NTRK3: variants seen among roughly 807,000 people sequenced by gnomAD.
NTRK3 encodes the protein neurotrophic receptor tyrosine kinase 3.
Under a neutral mutation model 91.7 loss-of-function variants are expected in NTRK3, and 24 were observed. The observed-to-expected ratio is 0.26, with a 90% CI of 0.19 to 0.37. The LOEUF (loss-of-function observed/expected upper bound fraction) is 0.37. Ranked by LOEUF, NTRK3 falls within the 10% of genes least tolerant of loss-of-function variation. NTRK3 has a pLI of 1.00. For synonymous variants in NTRK3, 483 were observed against 404.0 expected (o/e 1.20, Z -2.34); for missense variants, 880 against 1,068.9 (o/e 0.82, Z 2.46).
chr15:88,195,278 T>C (rs1488838851), intron 3 of NTRK3, among the ~76,000 whole-genome samples: 2 of 152,232 alleles, frequency 1.3e-5, no homozygotes, highest in African/African-American at 2.4e-5. Flanking sequence ...ATGTCACCTA[T>C]GTGTTCACTT....
exon 19 of NTRK3, chr15:87,867,185 G>C (rs184411417): frequency 7.6e-5 from 17 of 224,656 alleles, no homozygotes; most frequent in Middle Eastern, 2.7e-3. Context: ...ACTTGGTCCA[G>C]GGGGCTGGAA....
intron 14 of NTRK3, among the ~76,000 whole-genome samples, chr15:87,941,349 A>G (rs2142026575): frequency 1.3e-5 from 2 of 152,312 alleles, no homozygotes; most frequent in Middle Eastern, 3.4e-3. Context: ...TAACAAGAAC[A>G]ACTTCCTTGC....
chr15:87,912,691 C>T (rs976925430), intron 17 of NTRK3, among the ~76,000 whole-genome samples: 2 of 151,810 alleles, frequency 1.3e-5, no homozygotes, highest in African/African-American at 4.8e-5. Flanking sequence ...GAAAGATGAC[C>T]TCCAACTTCA....
intron 3 of NTRK3, among the ~76,000 whole-genome samples, chr15:88,198,286 C>A (rs944636254): frequency 1.3e-5 from 2 of 152,128 alleles, no homozygotes; most frequent in Admixed American, 1.3e-4. Context: ...CCTCTCATAA[C>A]CCAGCCTGCA....
chr15:87,887,692 G>C (rs1253539986), intron 17 of NTRK3, among the ~76,000 whole-genome samples: 1 of 152,124 alleles, frequency 6.6e-6, no homozygotes, highest in Non-Finnish European at 1.5e-5. Flanking sequence ...GCCTTCCCCG[G>C]TAAAAAATTA....
intron 6 of NTRK3, chr15:88,143,933 G>A (rs998471469): frequency 6.6e-6 from 1 of 152,170 alleles, no homozygotes; most frequent in Admixed American, 6.5e-5. Context: ...TGCATGCAGG[G>A]TATTCAGAGA....
chr15:88,033,814 AAG>A (rs1273371281), intron 13 of NTRK3, among the ~76,000 whole-genome samples: 1 of 152,184 alleles, frequency 6.6e-6, no homozygotes, highest in Non-Finnish European at 1.5e-5. Flanking sequence ...AGTTCAAAAT[AAG>A]AGTTTTAAAT....
At chr15:87,985,014 A>G (rs2074624908) in intron 14 of NTRK3, among the ~76,000 whole-genome samples, 1 of 152,198 alleles carries the variant, frequency 6.6e-6, no homozygotes, top group Non-Finnish European at 1.5e-5. Context: ...AGACCAGGAA[A>G]TCCCATCTCT....
At chr15:88,178,533 G>C (rs187452592) in intron 5 of NTRK3, among the ~76,000 whole-genome samples, 1 of 152,170 alleles carries the variant, frequency 6.6e-6, no homozygotes, top group African/African-American at 2.4e-5. Context: ...TAAAGATTGA[G>C]TGCACGTTTG....
At chr15:87,948,295 G>C (rs540448498) in intron 14 of NTRK3, among the ~76,000 whole-genome samples, 27 of 152,292 alleles carry the variant, frequency 1.8e-4, no homozygotes, top group African/African-American at 6.3e-4. Flanking sequence ...AGGATCTCCT[G>C]GTTTCCTGTA....
At chr15:88,119,522 C>T (rs1021990168) in intron 13 of NTRK3, among the ~76,000 whole-genome samples, 14 of 152,276 alleles carry the variant, frequency 9.2e-5, no homozygotes, top group Middle Eastern at 6.8e-3. Context: ...TAGGAGAATA[C>T]GAGGACCCTG....
intron 17 of NTRK3, among the ~76,000 whole-genome samples, chr15:87,913,955 G>A (rs1266275210): frequency 6.6e-6 from 1 of 152,204 alleles, no homozygotes; most frequent in Non-Finnish European, 1.5e-5. Context: ...CCTTGGAACT[G>A]GATGGTGGAG....
At chr15:88,038,568 T>A (rs1364353011) in intron 13 of NTRK3, among the ~76,000 whole-genome samples, 1 of 152,160 alleles carries the variant, frequency 6.6e-6, no homozygotes, top group African/African-American at 2.4e-5. Context: ...CTCAGCTTCA[T>A]CAGCCATAAC....
At chr15:88,054,493 C>T (rs2045514276) in intron 13 of NTRK3, among the ~76,000 whole-genome samples, 1 of 152,172 alleles carries the variant, frequency 6.6e-6, no homozygotes, top group Non-Finnish European at 1.5e-5. Flanking sequence ...ATAGTAGAGA[C>T]ATCCTAGAGT....
At chr15:88,097,999 AC>A (rs1328951028) in intron 13 of NTRK3, among the ~76,000 whole-genome samples, 2 of 152,206 alleles carry the variant, frequency 1.3e-5, no homozygotes, top group Admixed American at 6.5e-5. Flanking sequence ...AAAAGTGTGT[AC>A]TTTTTGCAAA....
At chr15:88,098,639 G>A (rs1028001933) in intron 13 of NTRK3, 2 of 230,826 alleles carry the variant, frequency 8.7e-6, no homozygotes, top group East Asian at 1.2e-4. Flanking sequence ...CCTAGAGAAC[G>A]TGTTAACATC....
rs561019506 is a variant in NTRK3, at chr15:87,945,092, AG to A, written c.1586-4340del. On this transcript the variant is annotated intron_variant, in intron 14 of 18. Transcript: ENST00000394480. The stretch of plus-strand genomic sequence containing the variant: ...GGAGACACTGGAAGGGGAGGCAGGG[AG>A]GGGGATGAATACCCCAGGCCGTGGG... Among the ~76,000 whole-genome samples, 9 of 152,318 alleles carry A rather than the reference AG, an allele frequency of 5.9e-5. No homozygotes were observed. The South Asian group carries it at 1.5e-3, about 25-fold the overall frequency.
intron 13 of NTRK3, among the ~76,000 whole-genome samples, chr15:88,043,604 C>T (rs1267352883): frequency 1.3e-5 from 2 of 152,168 alleles, no homozygotes; most frequent in Non-Finnish European, 2.9e-5. Context: ...GATTTCAACA[C>T]CAAAGCCAAG....
At chr15:88,071,164 C>G (rs569731008) in intron 13 of NTRK3, among the ~76,000 whole-genome samples, 68 of 152,314 alleles carry the variant, frequency 4.5e-4, no homozygotes, top group Admixed American at 2.0e-3. Context: ...GTCCCAGGCC[C>G]GATGAACTGA....
Sources: gnomAD v4.1 joint callset for allele counts (sites outside exome capture counted in the v4.1 genomes callset) on GRCh38, gnomAD v4.1.1 for gene constraint, MANE v1.5 for transcripts, NCBI Gene and HGNC (gene_info 2026-07-23, HGNC 2026-07-21) for gene names.